SORCS1: variants seen among roughly 807,000 people sequenced by gnomAD.
SORCS1 encodes VPS10 domain-containing receptor SorCS1.
In SORCS1, 60 loss-of-function variants were observed where a neutral mutation model predicts 146.1. The observed-to-expected ratio is 0.41, with a 90% CI of 0.33 to 0.51. The LOEUF is 0.51. Ranked by LOEUF, SORCS1 falls within the 20% of genes least tolerant of loss-of-function variation. The pLI, the probability that SORCS1 is intolerant of heterozygous loss-of-function variation, is 0.21. For synonymous variants in SORCS1, 637 were observed against 584.0 expected, an observed-to-expected ratio of 1.09 and a Z score of -1.31; for missense variants, 1,352 against 1,487.6, an observed-to-expected ratio of 0.91 and a Z score of 1.50.
chr10:107,057,731 A>G (rs1590039220), intron 1 of SORCS1, among the ~76,000 whole-genome samples: 2 of 152,334 alleles, frequency 1.3e-5, no homozygotes, highest in South Asian at 2.1e-4. Flanking sequence ...AAGAACACAT[A>G]TATCCTTTTC....
intron 16 of SORCS1, among the ~76,000 whole-genome samples, chr10:106,669,346 ACATCT>A (rs1210176851): frequency 6.6e-6 from 1 of 152,180 alleles, no homozygotes; most frequent in African/African-American, 2.4e-5. Flanking sequence ...GGACATTGGG[ACATCT>A]CATCTCATCT....
chr10:106,839,389 A>G (rs1948923438), intron 2 of SORCS1, among the ~76,000 whole-genome samples: 1 of 152,260 alleles, frequency 6.6e-6, no homozygotes, highest in African/African-American at 2.4e-5. Context: ...CATTTCCTTA[A>G]GCCAAAACAT....
intron 1 of SORCS1, among the ~76,000 whole-genome samples, chr10:106,995,185 G>T (rs1956940947): frequency 6.6e-6 from 1 of 151,896 alleles, no homozygotes. Context: ...GTGGTGGCGG[G>T]CGCCTGTAGT....
intron 2 of SORCS1, among the ~76,000 whole-genome samples, chr10:106,932,740 G>C (rs1267082657): frequency 6.6e-6 from 1 of 152,216 alleles, no homozygotes; most frequent in Non-Finnish European, 1.5e-5. Context: ...TTCAAGGTGA[G>C]CACTCCCCTC....
At chr10:106,717,104 C>T (rs1459345739) in intron 6 of SORCS1, among the ~76,000 whole-genome samples, 1 of 152,172 alleles carries the variant, frequency 6.6e-6, no homozygotes, top group Non-Finnish European at 1.5e-5. Flanking sequence ...CAAGCATAAG[C>T]ACTTTGAAAC....
chr10:106,797,226 AAC>A (rs1333810912), intron 3 of SORCS1, among the ~76,000 whole-genome samples: 6 of 152,182 alleles, frequency 3.9e-5, no homozygotes, highest in African/African-American at 1.4e-4. Context: ...TACTGGGAAA[AAC>A]ACTGTCATTT....
At chr10:106,946,865 T>A (rs1183973616) in intron 2 of SORCS1, among the ~76,000 whole-genome samples, 1 of 152,224 alleles carries the variant, frequency 6.6e-6, no homozygotes, top group East Asian at 1.9e-4. Context: ...CTGCTTGGCA[T>A]GGCATACAGG....
rs377270714 is a variant in SORCS1 at position 106,900,636 on chromosome 10, C to T, written c.626+55877G>A. 1.8e-3 allele frequency among the ~76,000 whole-genome samples: 276 copies of T among 152,242 alleles called. 3 individuals are homozygous for T. The highest frequency in any genetic ancestry group is 6.2e-3 in the African/African-American group (256 of 41,550). ...CACTGGTGAATGGCTCCAGTGGCTC[C>T]GTAACGTTGGCTGACATTCCATCCC... On this transcript the variant is annotated intron_variant, in intron 2 of 25. Transcript: ENST00000263054.
chr10:107,034,302 A>G lies in SORCS1; in HGVS notation c.559-77722T>C, dbSNP rs570957617. Among the ~76,000 whole-genome samples the G allele has an allele frequency of 4.8e-4, 73 of 152,270 alleles. No individual in the cohort carries two copies. The South Asian group carries it at 5.6e-3, about 12-fold the overall frequency. On this transcript the variant is annotated intron_variant, in intron 1 of 25. Coordinates refer to ENST00000263054, the MANE Select transcript of SORCS1 (RefSeq NM_052918.5). ...CAGAAAAGAGCCCAGAGTCAGGAGC[A>G]CAGACACTGCTTCATCAGGGAAGTG... is the stretch of plus-strand genomic sequence containing the variant.
At chr10:106,932,796 G>A (rs1953486051) in intron 2 of SORCS1, among the ~76,000 whole-genome samples, 1 of 152,158 alleles carries the variant, frequency 6.6e-6, no homozygotes, top group Non-Finnish European at 1.5e-5. Context: ...ACAGTTGCAA[G>A]CTAAATGCTT....
chr10:106,883,500 C>T (rs973410772), intron 2 of SORCS1, among the ~76,000 whole-genome samples: 3 of 151,778 alleles, frequency 2.0e-5, no homozygotes, highest in African/African-American at 4.8e-5. Flanking sequence ...CTGCAAGCTC[C>T]GCCTCCTGAG....
chr10:106,577,687 GT>G, intron 25 of SORCS1, 132 bp from the exon 26 acceptor site: 1 of 1,475,686 alleles, frequency 6.8e-7, no homozygotes, highest in Non-Finnish European at 8.9e-7. Context: ...AACAGAGGCT[GT>G]GCTTCATACC....
chr10:107,171,284 C>T, the SORCS1 span, among the ~76,000 whole-genome samples: 19 of 152,254 alleles, frequency 1.2e-4, no homozygotes, highest in African/African-American at 3.4e-4. Context: ...GGTGTTGGAA[C>T]GCAGAAGGTT....
chr10:106,975,073 T>C lies in SORCS1; in HGVS notation c.559-18493A>G, dbSNP rs11193139. Among the ~76,000 whole-genome samples the C allele has an allele frequency of 5.1e-4, 77 of 152,324 alleles. 1 individual carries two copies. The East Asian group carries it at 0.012, about 24-fold the overall frequency. ...GCCAAAGGCTTGGGTTTTACACATC[T>C]GGAGGAAAAGCAAAACCCTCCCATT... On this transcript the variant is annotated intron_variant, in intron 1 of 25. Coordinates refer to ENST00000263054, the MANE Select transcript of SORCS1 (RefSeq NM_052918.5).
chr10:106,891,365 A>C (rs1951222136), intron 2 of SORCS1, among the ~76,000 whole-genome samples: 1 of 152,198 alleles, frequency 6.6e-6, no homozygotes, highest in South Asian at 2.1e-4. Flanking sequence ...TGATAGAGTG[A>C]TCAGAATCAA....
At chr10:107,070,318 G>A (rs1437441633) in intron 1 of SORCS1, among the ~76,000 whole-genome samples, 1 of 151,990 alleles carries the variant, frequency 6.6e-6, no homozygotes, top group Admixed American at 6.6e-5. Flanking sequence ...GGTGTACATA[G>A]CTAGGAGTAA....
intron 4 of SORCS1, among the ~76,000 whole-genome samples, chr10:106,773,866 C>T (rs113401146): frequency 5.9e-5 from 9 of 152,106 alleles, no homozygotes; most frequent in African/African-American, 1.9e-4. Flanking sequence ...GGAGAATCGC[C>T]TGAACCCTGG....
At chr10:106,936,022 C>A (rs1953693594) in intron 2 of SORCS1, among the ~76,000 whole-genome samples, 1 of 152,178 alleles carries the variant, frequency 6.6e-6, no homozygotes, top group Non-Finnish European at 1.5e-5. Context: ...TGGAGCATAT[C>A]TGAATGTTAA....
intron 9 of SORCS1, 147 bp downstream of exon 9, chr10:106,699,067 A>G (rs2135739782): frequency 7.7e-6 from 5 of 649,048 alleles, no homozygotes; most frequent in Middle Eastern, 8.4e-4. Flanking sequence ...ACTAATAAAA[A>G]TGTTCTGCAA....
Sources: gnomAD v4.1 joint callset for allele counts (sites outside exome capture counted in the v4.1 genomes callset) on GRCh38, gnomAD v4.1.1 for gene constraint, MANE v1.5 for transcripts, NCBI Gene and HGNC (gene_info 2026-07-23, HGNC 2026-07-21) for gene names.